Variants in PRIM2 observed in about 807,000 individuals in gnomAD.
PRIM2 encodes the protein DNA primase large subunit.
A neutral mutation model predicts 67.3 loss-of-function variants in PRIM2; 39 were observed. The observed-to-expected ratio is 0.58, with a 90% CI of 0.45 to 0.76. The LOEUF is 0.76. Among genes scored for constraint, PRIM2 ranks in the 30% least tolerant of loss-of-function variants. The pLI is 0.00. For synonymous variants in PRIM2, 143 were observed against 198.7 expected, an observed-to-expected ratio of 0.72 and a Z score of 2.36; for missense variants, 398 against 598.7, an observed-to-expected ratio of 0.66 and a Z score of 3.50.
At chr6:57,520,953 T>A (rs1774606650) in intron 8 of PRIM2, among the ~76,000 whole-genome samples, 1 of 152,198 alleles carries the variant, frequency 6.6e-6, no homozygotes, top group Non-Finnish European at 1.5e-5. Context: ...TTTCTCCCAG[T>A]TATAAAGAAA....
At chr6:57,401,214 T>A (rs12663414) in intron 7 of PRIM2, among the ~76,000 whole-genome samples, 13,598 of 152,202 alleles carry the variant, frequency 0.089, 761 homozygotes, top group Middle Eastern at 0.15. Flanking sequence ...TGGTTCTTTC[T>A]CATCTCTGCA....
At chr6:57,340,247 C>A (rs989901334) in intron 5 of PRIM2, among the ~76,000 whole-genome samples, 1 of 152,206 alleles carries the variant, frequency 6.6e-6, no homozygotes, top group African/African-American at 2.4e-5. Flanking sequence ...AACACTTTTA[C>A]ACAGTTGGTG....
At chr6:57,346,774 A>G (rs1467967644) in intron 5 of PRIM2, among the ~76,000 whole-genome samples, 12 of 152,164 alleles carry the variant, frequency 7.9e-5, no homozygotes, top group Admixed American at 2.0e-4. Context: ...GGATGAGAAT[A>G]AGAACCAGGG....
At chr6:57,232,533 A>G in the PRIM2 span, among the ~76,000 whole-genome samples, 1 of 152,244 alleles carries the variant, frequency 6.6e-6, no homozygotes, top group Non-Finnish European at 1.5e-5. Context: ...TGGGTGACAG[A>G]GTAAGACTCT....
intron 5 of PRIM2, among the ~76,000 whole-genome samples, chr6:57,347,934 T>G (rs1768731108): frequency 6.6e-6 from 1 of 152,210 alleles, no homozygotes; most frequent in African/African-American, 2.4e-5. Context: ...TGCTGACATT[T>G]AAGGTGACAG....
At chr6:57,483,807 A>C (rs1347148782) in intron 7 of PRIM2, among the ~76,000 whole-genome samples, 1 of 152,346 alleles carries the variant, frequency 6.6e-6, no homozygotes, top group African/African-American at 2.4e-5. Flanking sequence ...TGGTATTTCA[A>C]ATAACAAAAG....
intron 7 of PRIM2, among the ~76,000 whole-genome samples, chr6:57,407,527 A>T (rs1770933668): frequency 6.6e-6 from 1 of 151,968 alleles, no homozygotes. Context: ...AAGAATGGCT[A>T]CTTTATAGGC....
the PRIM2 span, among the ~76,000 whole-genome samples, chr6:57,275,476 G>A: frequency 2.6e-5 from 4 of 151,508 alleles, no homozygotes; most frequent in African/African-American, 7.2e-5. Context: ...GCAACAGAGT[G>A]AGACTCTGTT....
chr6:57,285,755 G>A, the PRIM2 span, among the ~76,000 whole-genome samples: 4 of 152,132 alleles, frequency 2.6e-5, no homozygotes, highest in Admixed American at 2.0e-4. Context: ...GGAATTTCTG[G>A]CCAGAGCAAT....
chr6:57,279,366 G>A, the PRIM2 span, among the ~76,000 whole-genome samples: 1,604 of 152,248 alleles, frequency 0.011, 23 homozygotes, highest in African/African-American at 0.036. Context: ...CTCATATGGA[G>A]TAGTTTGCTT....
intron 12 of PRIM2, among the ~76,000 whole-genome samples, chr6:57,622,393 G>A (rs1171961437): frequency 2.0e-5 from 3 of 152,206 alleles, no homozygotes; most frequent in Middle Eastern, 3.4e-3. Context: ...TTGAGTATTC[G>A]AGTGATTAGG....
intron 8 of PRIM2, among the ~76,000 whole-genome samples, chr6:57,529,076 C>T (rs1432088567): frequency 1.3e-5 from 2 of 151,984 alleles, no homozygotes; most frequent in South Asian, 2.1e-4. Context: ...TTTGGGAGGC[C>T]GAGGTGGGTG....
At chr6:57,311,484 G>A (rs1767388842), upstream of PRIM2, among the ~76,000 whole-genome samples, 1 of 151,542 alleles carries the variant, frequency 6.6e-6, no homozygotes, top group Admixed American at 6.6e-5. Flanking sequence ...CGGCCGGGCA[G>A]AGGCGCTTCT....
chr6:57,265,729 CAT>C, the PRIM2 span, among the ~76,000 whole-genome samples: 42 of 152,314 alleles, frequency 2.8e-4, no homozygotes, highest in African/African-American at 1.0e-3. Context: ...CAACTCTAGA[CAT>C]ATTTATTATG....
the PRIM2 span, among the ~76,000 whole-genome samples, chr6:57,266,249 T>C: frequency 6.6e-6 from 1 of 152,330 alleles, no homozygotes; most frequent in East Asian, 1.9e-4. Context: ...GGCAGCTTCA[T>C]GTGTTTAAGC....
intron 5 of PRIM2, among the ~76,000 whole-genome samples, chr6:57,328,609 A>G (rs1767952321): frequency 6.6e-6 from 1 of 152,240 alleles, no homozygotes; most frequent in African/African-American, 2.4e-5. Context: ...GCTATTATGA[A>G]TAACGCTACA....
chr6:57,488,147 G>C (rs1210312555), intron 7 of PRIM2, among the ~76,000 whole-genome samples: 3,555 of 152,232 alleles, frequency 0.023, 57 homozygotes, highest in Middle Eastern at 0.037. Context: ...CTTTCCATCT[G>C]ACTTCTGAAT....
At chr6:57,516,129 C>T (rs1437392391) in intron 8 of PRIM2, among the ~76,000 whole-genome samples, 1 of 151,644 alleles carries the variant, frequency 6.6e-6, no homozygotes, top group East Asian at 1.9e-4. Flanking sequence ...TGCCTCCAAC[C>T]TGAGAAAGTT....
intron 12 of PRIM2, among the ~76,000 whole-genome samples, chr6:57,622,872 G>A (rs1269137601): frequency 0.31 from 47,299 of 151,868 alleles, 7,314 homozygotes; most frequent in East Asian, 0.44. Flanking sequence ...AAAAGGGACA[G>A]TTTAAAAGAC....
Sources: allele counts gnomAD v4.1 joint callset (sites outside exome capture counted in the v4.1 genomes callset), GRCh38; gene constraint gnomAD v4.1.1; transcripts MANE v1.5; gene names NCBI Gene and HGNC (gene_info 2026-07-23, HGNC 2026-07-21).